Variants in ERBB4 observed in about 807,000 individuals in gnomAD.
The protein encoded by ERBB4 is erb-b2 receptor tyrosine kinase 4.
In ERBB4, 42 loss-of-function variants were observed where a neutral mutation model predicts 158.0. The ratio of observed to expected loss-of-function variants is 0.27; its 90% CI spans 0.21 to 0.34. ERBB4 has a LOEUF of 0.34. ERBB4 is among the 10% of genes least tolerant of loss of function. The pLI is 1.00. For missense variants in ERBB4, 1,333 were observed against 1,624.1 expected, an observed-to-expected ratio of 0.82 and a Z score of 3.08; for synonymous variants, 583 against 558.7, an observed-to-expected ratio of 1.04 and a Z score of -0.61.
At chr2:212,209,839 G>T (rs2082876400) in intron 1 of ERBB4, among the ~76,000 whole-genome samples, 2 of 152,064 alleles carry the variant, frequency 1.3e-5, no homozygotes, top group African/African-American at 4.8e-5. Flanking sequence ...GTTTCATTGG[G>T]CAATATGTAT....
intron 5 of ERBB4, among the ~76,000 whole-genome samples, chr2:211,728,802 A>G (rs34269326): frequency 0.2 from 30,698 of 151,740 alleles, 4,025 homozygotes; most frequent in African/African-American, 0.36. Context: ...TTTTAACTCC[A>G]TGGTGATTTA....
intron 3 of ERBB4, among the ~76,000 whole-genome samples, chr2:211,839,117 TAAAGAGAG>T (rs1253740192): frequency 9.3e-6 from 1 of 107,494 alleles, no homozygotes; most frequent in African/African-American, 3.6e-5. Flanking sequence ...TTGAAAGAAA[TAAAGAGAG>T]AGAGAGAGGG....
intron 2 of ERBB4, among the ~76,000 whole-genome samples, chr2:212,022,623 A>G (rs532092903): frequency 6.6e-6 from 1 of 152,194 alleles, no homozygotes; most frequent in Admixed American, 6.5e-5. Flanking sequence ...GCAGCAAACC[A>G]CCGTAGCACA....
At chr2:211,952,299 A>C (rs1309726416) in intron 2 of ERBB4, among the ~76,000 whole-genome samples, 1 of 152,102 alleles carries the variant, frequency 6.6e-6, no homozygotes, top group Admixed American at 6.6e-5. Context: ...AAATAAAAAC[A>C]ATTACAGGAA....
chr2:212,184,738 CAT>C (rs1442309917), intron 1 of ERBB4, among the ~76,000 whole-genome samples: 1 of 152,092 alleles, frequency 6.6e-6, no homozygotes, highest in African/African-American at 2.4e-5. Flanking sequence ...AAAAATGTAG[CAT>C]AGAGTAAAAA....
In ERBB4 at chr2:211,561,950, T is replaced by C. The variant is rs570151623; in HGVS notation, c.2440A>G (p.Asn814Asp). Residue 814 changes from asparagine (N) to aspartate (D), a missense_variant, in exon 20 of 28, where the codon AAC becomes GAC. Asn to Asp is a conservative substitution (Grantham distance 23). Transcript: ENST00000342788. ...TTAAGCAGCAGTTGTGATCCAATGT[T>C]ATCCTTGTGCTCGTGGACATACTCC... ...LLEYVHEHKD[N>D]IGSQLLLNWC... The C allele has an allele frequency of 5.0e-6, 8 of 1,614,184 alleles. No homozygotes were observed. Among genetic ancestry groups the C allele is most frequent in the South Asian group, 1.1e-5 (1 of 91,084 alleles).
At chr2:211,587,025 A>C (rs1209422518) in intron 19 of ERBB4, among the ~76,000 whole-genome samples, 1 of 152,164 alleles carries the variant, frequency 6.6e-6, no homozygotes, top group Non-Finnish European at 1.5e-5. Context: ...CTATTGTAAA[A>C]TCAAAAAATT....
At chr2:212,299,573 T>C (rs2086544775) in intron 1 of ERBB4, among the ~76,000 whole-genome samples, 1 of 151,626 alleles carries the variant, frequency 6.6e-6, no homozygotes, top group African/African-American at 2.4e-5. Context: ...GATTTTCCTT[T>C]GAGTCTCATT....
At chr2:212,056,866 T>C (rs965028409) in intron 2 of ERBB4, among the ~76,000 whole-genome samples, 1 of 152,110 alleles carries the variant, frequency 6.6e-6, no homozygotes, top group African/African-American at 2.4e-5. Context: ...AGAAATGGCA[T>C]CAACTAATGA....
At chr2:212,089,352 T>C (rs1242998106) in intron 2 of ERBB4, among the ~76,000 whole-genome samples, 1 of 152,190 alleles carries the variant, frequency 6.6e-6, no homozygotes, top group Non-Finnish European at 1.5e-5. Flanking sequence ...TAGTGCTTAT[T>C]CTTCCTGGCT....
At chr2:212,353,314 T>C (rs933152490) in intron 1 of ERBB4, among the ~76,000 whole-genome samples, 3 of 150,970 alleles carry the variant, frequency 2.0e-5, no homozygotes, top group Admixed American at 6.6e-5. Context: ...ATAAAAGATA[T>C]ACAAATGTAT....
At chr2:211,945,135 A>G in intron 3 of ERBB4, among the ~76,000 whole-genome samples, 1 of 152,164 alleles carries the variant, frequency 6.6e-6, no homozygotes, top group East Asian at 1.9e-4. Flanking sequence ...TGTTGCTTTA[A>G]TCGGGTTACC....
chr2:211,678,343 G>A (rs1299861872), intron 13 of ERBB4, among the ~76,000 whole-genome samples: 1 of 149,154 alleles, frequency 6.7e-6, no homozygotes, highest in African/African-American at 2.5e-5. Flanking sequence ...AAGAAAACTT[G>A]CACTCCAGAT....
intron 20 of ERBB4, among the ~76,000 whole-genome samples, chr2:211,548,849 T>TAAG (rs371151488): frequency 3.8e-4 from 58 of 152,238 alleles, no homozygotes; most frequent in African/African-American, 1.4e-3. Context: ...GATTTTAAAC[T>TAAG]AAGATTTCAC....
At chr2:212,024,742 A>AG (rs1427704681) in intron 2 of ERBB4, among the ~76,000 whole-genome samples, 1 of 151,912 alleles carries the variant, frequency 6.6e-6, no homozygotes, top group African/African-American at 2.4e-5. Context: ...AAAAAGGAAA[A>AG]GAGTCAAGTA....
chr2:212,382,352 C>A, intron 1 of ERBB4, among the ~76,000 whole-genome samples: 1 of 150,548 alleles, frequency 6.6e-6, no homozygotes, highest in South Asian at 2.1e-4. Context: ...TGTGCATATA[C>A]ACTTATTAAA....
At chr2:212,013,162 T>A (rs2076432117) in intron 2 of ERBB4, among the ~76,000 whole-genome samples, 1 of 151,806 alleles carries the variant, frequency 6.6e-6, no homozygotes, top group Admixed American at 6.6e-5. Flanking sequence ...GTTCAAGCAA[T>A]TCTTCTGTCT....
intron 1 of ERBB4, among the ~76,000 whole-genome samples, chr2:212,243,703 A>G (rs1383161139): frequency 6.6e-6 from 1 of 152,148 alleles, no homozygotes; most frequent in Admixed American, 6.6e-5. Flanking sequence ...TCATATCCCA[A>G]TCACCTACTT....
At chr2:211,936,021 A>G (rs150801482) in intron 3 of ERBB4, among the ~76,000 whole-genome samples, 5,119 of 152,276 alleles carry the variant, frequency 0.034, 119 homozygotes, top group Middle Eastern at 0.088. Flanking sequence ...ACAAAGCCTA[A>G]ATGAATTCTA....
Sources: allele counts gnomAD v4.1 joint callset (sites outside exome capture counted in the v4.1 genomes callset), GRCh38; gene constraint gnomAD v4.1.1; transcripts MANE v1.5; gene names NCBI Gene and HGNC (gene_info 2026-07-23, HGNC 2026-07-21).